The following ARK2C variants were observed in gnomAD, a reference collection of about 807,000 sequenced individuals.
ARK2C encodes E3 ubiquitin-protein ligase ARK2C.
chr18:46,347,496 G>A, the ARK2C span, among the ~76,000 whole-genome samples: 1 of 152,164 alleles, frequency 6.6e-6, no homozygotes, highest in Non-Finnish European at 1.5e-5. Context: ...GGAGCTGGGG[G>A]CTTCGTGTCC....
At chr18:46,418,934 T>C in the ARK2C span, among the ~76,000 whole-genome samples, 1 of 152,192 alleles carries the variant, frequency 6.6e-6, no homozygotes, top group Admixed American at 6.5e-5. Context: ...CAATAGCGAG[T>C]TAATGTGTTG....
At chr18:46,351,395 C>A in the ARK2C span, among the ~76,000 whole-genome samples, 1 of 152,146 alleles carries the variant, frequency 6.6e-6, no homozygotes, top group Non-Finnish European at 1.5e-5. Context: ...CCGTGGATAT[C>A]TGAGCAGAAA....
chr18:46,381,199 G>A, the ARK2C span, among the ~76,000 whole-genome samples: 1 of 152,250 alleles, frequency 6.6e-6, no homozygotes, highest in Non-Finnish European at 1.5e-5. Flanking sequence ...ATTGGGATAA[G>A]GCCAGGCACT....
At chr18:46,427,699 C>T in the ARK2C span, among the ~76,000 whole-genome samples, 1 of 152,228 alleles carries the variant, frequency 6.6e-6, no homozygotes, top group East Asian at 1.9e-4. Context: ...GTCAGACAAG[C>T]AGGTATTTAC....
the ARK2C span, among the ~76,000 whole-genome samples, chr18:46,348,789 G>A: frequency 2.2e-4 from 34 of 152,116 alleles, no homozygotes; most frequent in African/African-American, 6.7e-4. Context: ...GTCGGTGTGC[G>A]TATTAGCAAA....
At chr18:46,357,630 G>A in the ARK2C span, among the ~76,000 whole-genome samples, 1 of 152,180 alleles carries the variant, frequency 6.6e-6, no homozygotes, top group South Asian at 2.1e-4. Context: ...TTTCTGTGGG[G>A]CACTGGGCTC....
chr18:46,335,122 C>G, the ARK2C span: 1 of 152,626 alleles, frequency 6.6e-6, no homozygotes, highest in Non-Finnish European at 1.5e-5. Flanking sequence ...GAGAGTCAGA[C>G]CTGCGCTGCT....
At chr18:46,341,577 T>C in the ARK2C span, among the ~76,000 whole-genome samples, 1 of 152,092 alleles carries the variant, frequency 6.6e-6, no homozygotes, top group South Asian at 2.1e-4. Context: ...TGGAAGGGGA[T>C]TGTGGCAACG....
chr18:46,371,888 G>A, the ARK2C span, among the ~76,000 whole-genome samples: 4 of 152,202 alleles, frequency 2.6e-5, no homozygotes, highest in East Asian at 7.7e-4. Context: ...TTAGACATAG[G>A]CTGGGACATT....
At chr18:46,369,433 C>T in the ARK2C span, among the ~76,000 whole-genome samples, 7 of 151,954 alleles carry the variant, frequency 4.6e-5, no homozygotes, top group South Asian at 6.2e-4. Flanking sequence ...CTGATTGACT[C>T]GGGAAGAAGA....
At chr18:46,446,480 G>A in the ARK2C span, among the ~76,000 whole-genome samples, 1 of 151,926 alleles carries the variant, frequency 6.6e-6, no homozygotes, top group Non-Finnish European at 1.5e-5. Flanking sequence ...AGACCAGCCT[G>A]GACAACATGG....
At chr18:46,450,483 G>C in the ARK2C span, 2 of 1,065,682 alleles carry the variant, frequency 1.9e-6, no homozygotes, top group Non-Finnish European at 2.9e-6. Flanking sequence ...ACCTCTGCTG[G>C]TGAGTAGGGT....
the ARK2C span, among the ~76,000 whole-genome samples, chr18:46,438,243 T>C: frequency 2.6e-5 from 4 of 152,234 alleles, no homozygotes; most frequent in Admixed American, 1.3e-4. Context: ...TACAGGCTGG[T>C]GGCAACAGCA....
At chr18:46,399,986 G>A in the ARK2C span, among the ~76,000 whole-genome samples, 3 of 152,176 alleles carry the variant, frequency 2.0e-5, no homozygotes, top group South Asian at 4.1e-4. Context: ...TTAGTGAGGT[G>A]CAAGCTGGGG....
At chr18:46,445,074 AT>A in the ARK2C span, among the ~76,000 whole-genome samples, 1 of 151,336 alleles carries the variant, frequency 6.6e-6, no homozygotes. Context: ...ACATATTATC[AT>A]TTTTTTGGCA....
chr18:46,460,123 C>G, the ARK2C span: 1 of 152,848 alleles, frequency 6.5e-6, no homozygotes, highest in Admixed American at 6.5e-5. Flanking sequence ...TGCAAATGTT[C>G]CCAGCCTCCG....
At chr18:46,366,019 G>A in the ARK2C span, among the ~76,000 whole-genome samples, 13 of 152,192 alleles carry the variant, frequency 8.5e-5, no homozygotes, top group East Asian at 1.9e-4. Context: ...TTGGCTGGGC[G>A]CGGTGGCTCA....
the ARK2C span, among the ~76,000 whole-genome samples, chr18:46,417,408 A>C: frequency 2.0e-5 from 3 of 152,132 alleles, no homozygotes; most frequent in Non-Finnish European, 2.9e-5. Context: ...CCTACCACTC[A>C]AGCCTCCCGA....
At chr18:46,445,630 A>C in the ARK2C span, among the ~76,000 whole-genome samples, 5 of 152,138 alleles carry the variant, frequency 3.3e-5, no homozygotes, top group African/African-American at 1.2e-4. Flanking sequence ...CTGAATCCTC[A>C]AATCATTAAG....
Sources: gnomAD v4.1 joint callset for allele counts (sites outside exome capture counted in the v4.1 genomes callset) on GRCh38, gnomAD v4.1.1 for gene constraint, MANE v1.5 for transcripts, NCBI Gene and HGNC (gene_info 2026-07-23, HGNC 2026-07-21) for gene names.